Variants in CUL2 observed in about 807,000 individuals in gnomAD.
The protein encoded by CUL2 is cullin 2, also known as cullin-2.
In CUL2, 22 loss-of-function variants were observed where a neutral mutation model predicts 110.2. The ratio of observed to expected loss-of-function variants is 0.20; its 90% confidence interval spans 0.14 to 0.28. The LOEUF (loss-of-function observed/expected upper bound fraction) is 0.28. CUL2 is among the 10% of genes least tolerant of loss of function. The pLI is 1.00. For synonymous variants in CUL2, 279 were observed against 293.2 expected, an observed-to-expected ratio of 0.95 and a Z score of 0.49; for missense variants, 631 against 905.5, an observed-to-expected ratio of 0.70 and a Z score of 3.89.
upstream of CUL2, among the ~76,000 whole-genome samples, chr10:35,093,284 T>G (rs1197936372): frequency 6.6e-6 from 1 of 151,712 alleles, no homozygotes; most frequent in African/African-American, 2.4e-5. Context: ...CTTTCTCTAC[T>G]GCAATACCTT....
chr10:35,040,806 T>TC (rs2085765836), intron 8 of CUL2, among the ~76,000 whole-genome samples: 1 of 152,286 alleles, frequency 6.6e-6, no homozygotes, highest in African/African-American at 2.4e-5. Context: ...TAGATTCTTC[T>TC]AAAGAGCGCA....
intron 1 of CUL2, among the ~76,000 whole-genome samples, chr10:35,112,084 C>T (rs1208993810): frequency 6.6e-6 from 1 of 152,186 alleles, no homozygotes; most frequent in East Asian, 1.9e-4. Flanking sequence ...TTTTCTGGTA[C>T]CTACTTTTAC....
In CUL2 at chr10:35,034,928, T is replaced by C. The variant is rs184585382; in HGVS notation, c.1002+244A>G. Among the ~76,000 whole-genome samples the C allele has an allele frequency of 3.3e-5, 5 of 152,336 alleles. No homozygotes were observed. In the East Asian group the frequency reaches 9.6e-4, roughly 29 times the overall value. Reference sequence around the variant, plus strand: ...GGCGAGCTTATTTTCCTGTGGAAAGTTAACAACTGTTCAATGGACACCCTC... The same window carrying C: ...GGCGAGCTTATTTTCCTGTGGAAAGCTAACAACTGTTCAATGGACACCCTC... On this transcript the variant is annotated intron_variant, in intron 10 of 20. Coordinates refer to ENST00000374749, the MANE Select transcript of CUL2 (RefSeq NM_003591.4).
intron 17 of CUL2, among the ~76,000 whole-genome samples, chr10:35,020,233 C>T (rs1401983374): frequency 2.0e-5 from 3 of 151,560 alleles, no homozygotes; most frequent in African/African-American, 7.3e-5. Flanking sequence ...GACAACTGGC[C>T]TGGTCTGTTC....
chr10:35,018,325 A>G (rs189037763), intron 17 of CUL2, among the ~76,000 whole-genome samples: 20 of 151,074 alleles, frequency 1.3e-4, no homozygotes, highest in African/African-American at 4.9e-4. Flanking sequence ...GATGAAATCA[A>G]CATGAGATTT....
intron 16 of CUL2, among the ~76,000 whole-genome samples, chr10:35,025,505 C>G (rs553764485): frequency 1.3e-5 from 2 of 152,172 alleles, no homozygotes; most frequent in African/African-American, 2.4e-5. Flanking sequence ...ATAATACTAA[C>G]ATGGACTTTA....
At chr10:35,045,973 G>C (rs1244688467) in intron 6 of CUL2, among the ~76,000 whole-genome samples, 5 of 152,116 alleles carry the variant, frequency 3.3e-5, no homozygotes, top group Admixed American at 1.3e-4. Context: ...CTATATATAG[G>C]ATGTAAGAAT....
chr10:35,018,288 CAAAAAAAAAAA>C (rs11357517), intron 17 of CUL2, among the ~76,000 whole-genome samples: 1 of 75,242 alleles, frequency 1.3e-5, no homozygotes, highest in African/African-American at 6.2e-5. Context: ...CTCCATCTCA[CAAAAAAAAAAA>C]AAAAAAAAAA....
intron 9 of CUL2, among the ~76,000 whole-genome samples, chr10:35,036,761 T>C (rs2085631577): frequency 6.6e-6 from 1 of 152,096 alleles, no homozygotes; most frequent in Admixed American, 6.6e-5. Flanking sequence ...TGAGACAGGG[T>C]CTTACTCTGT....
chr10:35,051,539 C>A (rs2086111511), intron 5 of CUL2, among the ~76,000 whole-genome samples: 1 of 150,390 alleles, frequency 6.6e-6, no homozygotes, highest in African/African-American at 2.4e-5. Context: ...CGTGAACCGG[C>A]CGGGCGGAGC....
chr10:35,048,960 T>C (rs1050360398), intron 6 of CUL2, among the ~76,000 whole-genome samples: 1 of 152,176 alleles, frequency 6.6e-6, no homozygotes, highest in Admixed American at 6.5e-5. Flanking sequence ...AGCACAGATA[T>C]AGGTGGAGTG....
chr10:35,057,720 T>C (rs2086276140), intron 4 of CUL2, among the ~76,000 whole-genome samples: 1 of 152,090 alleles, frequency 6.6e-6, no homozygotes, highest in Non-Finnish European at 1.5e-5. Flanking sequence ...CATTTTTCAT[T>C]TTAATATGGA....
chr10:35,047,065 A>T (rs1039747464), intron 6 of CUL2, among the ~76,000 whole-genome samples: 4 of 152,224 alleles, frequency 2.6e-5, no homozygotes, highest in African/African-American at 9.6e-5. Flanking sequence ...GTAATAAAGA[A>T]GAACAAAATG....
chr10:35,087,376 T>C (rs1350545438), intron 1 of CUL2, among the ~76,000 whole-genome samples: 1 of 152,214 alleles, frequency 6.6e-6, no homozygotes, highest in Admixed American at 6.5e-5. Flanking sequence ...CTCTCTTCAC[T>C]AGAACTTAAG....
At chr10:35,085,248 G>A (rs2087032360) in intron 1 of CUL2, among the ~76,000 whole-genome samples, 1 of 151,746 alleles carries the variant, frequency 6.6e-6, no homozygotes, top group Non-Finnish European at 1.5e-5. Flanking sequence ...CTAACACAGT[G>A]AAACCCCGTC....
intron 3 of CUL2, 94 bp from the exon 4 acceptor site, chr10:35,061,062 T>G: frequency 7.6e-7 from 1 of 1,320,748 alleles, no homozygotes; most frequent in Non-Finnish European, 1.0e-6. Context: ...CTAAAATAAT[T>G]TACATAATTC....
rs149595648 is a variant in CUL2, at chr10:35,025,354, G to A, written c.1618-156C>T. Among the ~76,000 whole-genome samples the A allele has an allele frequency of 4.6e-4, 70 of 152,238 alleles. No individual in the cohort carries two copies. In the East Asian group the frequency reaches 9.3e-3, roughly 20 times the overall value. On this transcript the variant is annotated intron_variant, in intron 16 of 20. Coordinates refer to ENST00000374749, the MANE Select transcript of CUL2 (RefSeq NM_003591.4). ...CCTTCTTTTACAGAGGAGAAAGCACGTTCCTGTGGTCCCTAATCAAGGCTA... is the reference window on the plus strand; with the variant it reads ...CCTTCTTTTACAGAGGAGAAAGCACATTCCTGTGGTCCCTAATCAAGGCTA...
intron 4 of CUL2, among the ~76,000 whole-genome samples, chr10:35,060,404 A>C (rs1475819775): frequency 6.6e-6 from 1 of 152,266 alleles, no homozygotes; most frequent in Non-Finnish European, 1.5e-5. Flanking sequence ...CAAGTAATTC[A>C]ATATGCCTAG....
chr10:35,119,432 GTTAATA>G (rs2087647934), intron 1 of CUL2, among the ~76,000 whole-genome samples: 1 of 152,066 alleles, frequency 6.6e-6, no homozygotes, highest in Non-Finnish European at 1.5e-5. Context: ...GTGGATGTCA[GTTAATA>G]TTAAGTGGGT....
Sources: allele counts gnomAD v4.1 joint callset (sites outside exome capture counted in the v4.1 genomes callset), GRCh38; gene constraint gnomAD v4.1.1; transcripts MANE v1.5; gene names NCBI Gene and HGNC (gene_info 2026-07-23, HGNC 2026-07-21).